The following GPR158 variants were observed in gnomAD, a reference collection of about 807,000 sequenced individuals.
GPR158 encodes the protein metabotropic glycine receptor.
In GPR158, 30 loss-of-function variants were observed where a neutral mutation model predicts 78.2. The ratio of observed to expected loss-of-function variants is 0.38; its 90% CI spans 0.29 to 0.52. The LOEUF (loss-of-function observed/expected upper bound fraction) is 0.52, where lower values mean the gene tolerates loss of function less well. Ranked by LOEUF, GPR158 falls within the 20% of genes least tolerant of loss-of-function variation. The pLI is 0.83. For missense variants in GPR158, 1,463 were observed against 1,523.5 expected (o/e 0.96, Z 0.66); for synonymous variants, 581 against 591.1 (o/e 0.98, Z 0.25).
intron 2 of GPR158, among the ~76,000 whole-genome samples, chr10:25,283,957 C>A (rs1276486546): frequency 6.6e-6 from 1 of 152,022 alleles, no homozygotes; most frequent in African/African-American, 2.4e-5. Flanking sequence ...GCTAGTTGAA[C>A]TACTGTGTGG....
At chr10:25,338,564 G>GTATATTATTATATATAATACATATA (rs1554795034) in intron 2 of GPR158, among the ~76,000 whole-genome samples, 13 of 130,534 alleles carry the variant, frequency 1.0e-4, no homozygotes, top group Middle Eastern at 4.3e-3. Context: ...AATACGTATT[G>GTATATTATTATATATAATACATATA]TATATTATTA....
At chr10:25,448,734 A>G (rs977592006) in intron 4 of GPR158, among the ~76,000 whole-genome samples, 1 of 152,158 alleles carries the variant, frequency 6.6e-6, no homozygotes, top group African/African-American at 2.4e-5. Flanking sequence ...CCCATTATCA[A>G]TGTATGGAAA....
At chr10:25,234,729 C>T (rs1396384961) in intron 2 of GPR158, among the ~76,000 whole-genome samples, 2 of 152,076 alleles carry the variant, frequency 1.3e-5, no homozygotes, top group African/African-American at 2.4e-5. Context: ...ATTTGGTTAC[C>T]AGTTAGATGG....
chr10:25,559,149 G>C (rs1309249619), intron 6 of GPR158, among the ~76,000 whole-genome samples: 1 of 152,126 alleles, frequency 6.6e-6, no homozygotes, highest in African/African-American at 2.4e-5. Flanking sequence ...TAAACATTTA[G>C]AGTTGTTATG....
chr10:25,255,068 C>T (rs567870941), intron 2 of GPR158, among the ~76,000 whole-genome samples: 11 of 152,310 alleles, frequency 7.2e-5, no homozygotes, highest in Admixed American at 5.9e-4. Flanking sequence ...CTATTTTCAT[C>T]AGTCTCTCCA....
chr10:25,325,959 A>G (rs1210475677), intron 2 of GPR158, among the ~76,000 whole-genome samples: 1 of 149,146 alleles, frequency 6.7e-6, no homozygotes, highest in Non-Finnish European at 1.5e-5. Context: ...TCTTTTCTTC[A>G]ACTTTTAAGT....
At chr10:25,402,746 A>G (rs1834464507) in intron 3 of GPR158, among the ~76,000 whole-genome samples, 2 of 151,974 alleles carry the variant, frequency 1.3e-5, no homozygotes, top group African/African-American at 4.8e-5. Context: ...AAATGATATC[A>G]CAGTTATAAA....
At chr10:25,334,207 T>C (rs1391661334) in intron 2 of GPR158, among the ~76,000 whole-genome samples, 2 of 152,104 alleles carry the variant, frequency 1.3e-5, no homozygotes, top group East Asian at 3.9e-4. Flanking sequence ...TAGATGTATT[T>C]TAAGTTTTGG....
chr10:25,308,923 A>G (rs928476112), intron 2 of GPR158, among the ~76,000 whole-genome samples: 3 of 152,150 alleles, frequency 2.0e-5, no homozygotes, highest in Non-Finnish European at 4.4e-5. Context: ...CATTATATGT[A>G]TATGCCACAT....
At chr10:25,440,724 TTGTC>T (rs1456410951) in intron 4 of GPR158, among the ~76,000 whole-genome samples, 1 of 152,212 alleles carries the variant, frequency 6.6e-6, no homozygotes, top group African/African-American at 2.4e-5. Flanking sequence ...TATTTAAAGT[TTGTC>T]TGCTGATTCA....
At chr10:25,535,858 A>G (rs1002625799) in intron 5 of GPR158, among the ~76,000 whole-genome samples, 3 of 152,208 alleles carry the variant, frequency 2.0e-5, no homozygotes, top group Non-Finnish European at 4.4e-5. Context: ...AGATACATTT[A>G]GAATAAGACT....
intron 5 of GPR158, among the ~76,000 whole-genome samples, chr10:25,501,932 T>C (rs1236149570): frequency 1.3e-5 from 2 of 152,126 alleles, no homozygotes; most frequent in African/African-American, 4.8e-5. Flanking sequence ...TCCGTATGCT[T>C]GGTACCCCCA....
intron 4 of GPR158, among the ~76,000 whole-genome samples, chr10:25,414,997 G>T (rs1396178990): frequency 6.6e-6 from 1 of 151,990 alleles, no homozygotes; most frequent in Non-Finnish European, 1.5e-5. Flanking sequence ...CTGTAAAATG[G>T]CATTCACACA....
At chr10:25,583,109 A>G (rs181377080) in intron 7 of GPR158, among the ~76,000 whole-genome samples, 30 of 152,280 alleles carry the variant, frequency 2.0e-4, no homozygotes, top group African/African-American at 6.3e-4. Context: ...CTCTGCAGAC[A>G]TATCCTATAG....
At chr10:25,380,979 G>T (rs189369839) in intron 2 of GPR158, among the ~76,000 whole-genome samples, 1 of 152,274 alleles carries the variant, frequency 6.6e-6, no homozygotes, top group East Asian at 1.9e-4. Flanking sequence ...CTTAACATTT[G>T]CACAAAAGTT....
At chr10:25,364,729 G>A (rs1008777598) in intron 2 of GPR158, among the ~76,000 whole-genome samples, 1 of 151,768 alleles carries the variant, frequency 6.6e-6, no homozygotes, top group South Asian at 2.1e-4. Context: ...TTAAAGTCTA[G>A]GAGAGCTGTC....
At chr10:25,191,942 T>A (rs562687330) in intron 1 of GPR158, among the ~76,000 whole-genome samples, 1 of 152,334 alleles carries the variant, frequency 6.6e-6, no homozygotes, top group South Asian at 2.1e-4. Context: ...TCTGTCTCTT[T>A]ATGTAAACAT....
At chr10:25,525,909 C>G (rs1836340880) in intron 5 of GPR158, among the ~76,000 whole-genome samples, 1 of 151,914 alleles carries the variant, frequency 6.6e-6, no homozygotes, top group African/African-American at 2.4e-5. Flanking sequence ...GAGTTCGAGA[C>G]CAGCCTGGCC....
intron 2 of GPR158, among the ~76,000 whole-genome samples, chr10:25,391,137 C>T (rs1030999677): frequency 3.3e-5 from 5 of 152,206 alleles, no homozygotes; most frequent in African/African-American, 4.8e-5. Flanking sequence ...TGCATAGAAA[C>T]ACCTGGATGT....
Sources: gnomAD v4.1 joint callset for allele counts (sites outside exome capture counted in the v4.1 genomes callset) on GRCh38, gnomAD v4.1.1 for gene constraint, MANE v1.5 for transcripts, NCBI Gene and HGNC (gene_info 2026-07-23, HGNC 2026-07-21) for gene names.